The following BBS9 variants were observed in gnomAD, a reference collection of about 807,000 sequenced individuals.
The protein encoded by BBS9 is protein PTHB1.
A neutral mutation model predicts 117.7 loss-of-function variants in BBS9; 89 were observed. The ratio of observed to expected loss-of-function variants is 0.76; its 90% confidence interval spans 0.64 to 0.90. The LOEUF (loss-of-function observed/expected upper bound fraction) is 0.90. BBS9 is among the 40% of genes least tolerant of loss of function. The pLI, the probability that BBS9 is intolerant of heterozygous loss-of-function variation, is 0.00. For synonymous variants in BBS9, 379 were observed against 370.9 expected (o/e 1.02, Z -0.25); for missense variants, 982 against 1,042.2 (o/e 0.94, Z 0.80).
chr7:33,409,260 C>G (rs4723285), intron 19 of BBS9, among the ~76,000 whole-genome samples: 91,325 of 151,942 alleles, frequency 0.6, 27,818 homozygotes, highest in African/African-American at 0.69. Context: ...TATTTCCTAT[C>G]TTTTCTTCTA....
chr7:33,388,472 T>A (rs1048481023), intron 19 of BBS9, among the ~76,000 whole-genome samples: 6 of 152,218 alleles, frequency 3.9e-5, no homozygotes, highest in Non-Finnish European at 7.3e-5. Flanking sequence ...TAGTAGCTAT[T>A]ATGATTAGTA....
chr7:33,453,299 G>A (rs879940273), intron 19 of BBS9, among the ~76,000 whole-genome samples: 3 of 152,138 alleles, frequency 2.0e-5, no homozygotes, highest in African/African-American at 7.2e-5. Context: ...TCTGCTGATA[G>A]TGTCAGGCTG....
chr7:33,394,183 A>G (rs13237281), intron 19 of BBS9, among the ~76,000 whole-genome samples: 4 of 152,268 alleles, frequency 2.6e-5, no homozygotes. Flanking sequence ...TCAGTTGTCC[A>G]CCACAGTTTC....
At chr7:33,229,595 A>G (rs1173210700) in intron 5 of BBS9, among the ~76,000 whole-genome samples, 1 of 152,152 alleles carries the variant, frequency 6.6e-6, no homozygotes, top group Non-Finnish European at 1.5e-5. Context: ...ACAAATATTT[A>G]TAGTAATACA....
intron 7 of BBS9, among the ~76,000 whole-genome samples, chr7:33,269,398 C>T (rs1799372593): frequency 6.6e-6 from 1 of 152,178 alleles, no homozygotes; most frequent in Admixed American, 6.5e-5. Flanking sequence ...GGGTCCACAG[C>T]TCTCCCATTT....
intron 11 of BBS9, among the ~76,000 whole-genome samples, chr7:33,342,664 T>A (rs1361757196): frequency 1.3e-5 from 2 of 152,170 alleles, no homozygotes; most frequent in Admixed American, 6.5e-5. Context: ...ATTCATCTCA[T>A]TGGAAAACAT....
intron 1 of BBS9, among the ~76,000 whole-genome samples, chr7:33,142,260 T>C (rs1791598830): frequency 6.6e-6 from 1 of 151,998 alleles, no homozygotes; most frequent in Non-Finnish European, 1.5e-5. Context: ...AGATGTACCA[T>C]AGTGTGTTTA....
intron 4 of BBS9, among the ~76,000 whole-genome samples, chr7:33,164,649 C>A (rs1033511738): frequency 6.6e-6 from 1 of 152,130 alleles, no homozygotes; most frequent in Non-Finnish European, 1.5e-5. Flanking sequence ...ACTAGGATTG[C>A]AACCCCTGCT....
intron 16 of BBS9, among the ~76,000 whole-genome samples, chr7:33,362,674 A>G (rs1820847013): frequency 6.6e-6 from 1 of 152,174 alleles, no homozygotes; most frequent in African/African-American, 2.4e-5. Flanking sequence ...TATTTATAAT[A>G]AGTCTTGAAG....
chr7:33,341,047 G>C, intron 11 of BBS9, 74 bp downstream of exon 11: 1 of 1,340,464 alleles, frequency 7.5e-7, no homozygotes, highest in Non-Finnish European at 1.1e-6. Context: ...AAAATGCATT[G>C]GTTTAAAGTT....
At chr7:33,422,952 A>C (rs1359731751) in intron 19 of BBS9, among the ~76,000 whole-genome samples, 1 of 152,140 alleles carries the variant, frequency 6.6e-6, no homozygotes, top group Non-Finnish European at 1.5e-5. Flanking sequence ...TATGTCTGGC[A>C]CATGAATGTC....
At chr7:33,503,158 C>T (rs550009269) in intron 19 of BBS9, among the ~76,000 whole-genome samples, 1 of 152,276 alleles carries the variant, frequency 6.6e-6, no homozygotes, top group African/African-American at 2.4e-5. Flanking sequence ...ATTGCCCTAT[C>T]AATTTTACTT....
At chr7:33,152,116 C>T (rs1227448681) in intron 2 of BBS9, among the ~76,000 whole-genome samples, 1 of 152,168 alleles carries the variant, frequency 6.6e-6, no homozygotes, top group African/African-American at 2.4e-5. Flanking sequence ...CTCATTTTAA[C>T]TTGATTACAT....
intron 19 of BBS9, among the ~76,000 whole-genome samples, chr7:33,440,920 A>G (rs2128896046): frequency 1.3e-5 from 2 of 152,298 alleles, no homozygotes; most frequent in East Asian, 3.9e-4. Flanking sequence ...ATTAACTAGA[A>G]AAAGAAATGT....
intron 19 of BBS9, chr7:33,390,565 T>C (rs891071087): frequency 3.1e-6 from 3 of 959,764 alleles, no homozygotes; most frequent in Admixed American, 6.2e-5. Flanking sequence ...TCAATTTTAT[T>C]ATATGTATAT....
intron 5 of BBS9, among the ~76,000 whole-genome samples, chr7:33,232,599 T>C (rs957953972): frequency 1.2e-4 from 18 of 152,140 alleles, no homozygotes; most frequent in Admixed American, 1.1e-3. Flanking sequence ...GTATAAATAA[T>C]TGTGATAACA....
intron 19 of BBS9, among the ~76,000 whole-genome samples, chr7:33,476,651 G>C (rs924919336): frequency 6.6e-6 from 1 of 152,064 alleles, no homozygotes; most frequent in Non-Finnish European, 1.5e-5. Context: ...CATCCATCCC[G>C]TCTTACTTCT....
intron 21 of BBS9, among the ~76,000 whole-genome samples, chr7:33,542,077 A>G (rs550712432): frequency 6.8e-6 from 1 of 147,460 alleles, no homozygotes; most frequent in East Asian, 2.0e-4. Context: ...GGTATTTGGT[A>G]ACATGAGTAA....
At chr7:33,553,317 C>CTATG (rs981888260) in intron 21 of BBS9, among the ~76,000 whole-genome samples, 1 of 152,208 alleles carries the variant, frequency 6.6e-6, no homozygotes, top group Non-Finnish European at 1.5e-5. Context: ...GCGTTAGCTA[C>CTATG]TATGGTATAG....
Sources: gnomAD v4.1 joint callset for allele counts (sites outside exome capture counted in the v4.1 genomes callset) on GRCh38, gnomAD v4.1.1 for gene constraint, MANE v1.5 for transcripts, NCBI Gene and HGNC (gene_info 2026-07-23, HGNC 2026-07-21) for gene names.